The following ABCG2 variants were observed in gnomAD, a reference collection of about 807,000 sequenced individuals.
ABCG2 encodes the protein ATP binding cassette subfamily G member 2 (JR blood group).
In ABCG2, 80 loss-of-function variants were observed where a neutral mutation model predicts 73.5. That is an observed-to-expected ratio of 1.09 (90% CI 0.91 to 1.31). The LOEUF is 1.31. Ranked by LOEUF, ABCG2 falls within the 50% of genes most tolerant of loss-of-function variation. The pLI, the probability that ABCG2 is intolerant of heterozygous loss-of-function variation, is 0.00. For synonymous variants in ABCG2, 269 were observed against 282.4 expected (o/e 0.95, Z 0.48); for missense variants, 796 against 786.2 (o/e 1.01, Z -0.15).
chr4:88,204,798 A>G lies in ABCG2; in HGVS notation c.-20+26196T>C, dbSNP rs28687219. On this transcript the variant is annotated intron_variant, in intron 1 of 15. Transcript: ENST00000515655. ...CAGAAGGGAATTTGTCATTCTCTCC[A>G]TCAGAGAAGGATTAATTGTATTGTT... 3.4e-3 allele frequency among the ~76,000 whole-genome samples: 517 copies of G among 152,350 alleles called. 1 individual carries two copies. The highest frequency in any genetic ancestry group is 0.012 in the African/African-American group (497 of 41,588).
chr4:88,167,960 A>G (rs1262339599), intron 1 of ABCG2, among the ~76,000 whole-genome samples: 1 of 152,082 alleles, frequency 6.6e-6, no homozygotes, highest in East Asian at 1.9e-4. Context: ...GAAGTTACCA[A>G]GATAGCAATA....
At position 88,101,348 on chromosome 4, in the gene ABCG2, G is replaced by A. The variant is rs2231152; in HGVS notation, c.1278-29C>T. 5.1e-4 allele frequency: 798 copies of A among 1,578,600 alleles called. No homozygotes were observed. In the African/African-American group the frequency reaches 8.1e-3, roughly 16 times the overall value. ...CCATGAAAAGGGGAACCAAATCACC[G>A]CAGTCAACTCAGCATTCTTAGACAG... is the stretch of plus-strand genomic sequence containing the variant. On this transcript the variant is annotated intron_variant, in intron 10 of 15. Transcript: ENST00000237612.
intron 6 of ABCG2, among the ~76,000 whole-genome samples, chr4:88,121,230 G>A (rs900777685): frequency 1.3e-5 from 2 of 152,146 alleles, no homozygotes; most frequent in African/African-American, 4.8e-5. Context: ...GGCCCAACAG[G>A]AGGAAGCTAA....
In ABCG2 at chr4:88,200,238, G is replaced by A. The variant is rs559419322; in HGVS notation, c.-20+30756C>T. On this transcript the variant is annotated intron_variant, in intron 1 of 15. Coordinates refer to the ABCG2 transcript ENST00000515655. ...AGCTACTTGGGGGGCTGAGATGGGA[G>A]GATCACTTGAGCCTGGGAGGTCAAG... Among the ~76,000 whole-genome samples, 756 of 152,056 alleles carry A rather than the reference G, an allele frequency of 5.0e-3. 4 individuals are homozygous for A. Among genetic ancestry groups the A allele is most frequent in the Non-Finnish European group, 8.6e-3 (585 of 67,984 alleles).
intron 1 of ABCG2, among the ~76,000 whole-genome samples, chr4:88,222,805 C>T (rs1289935752): frequency 6.6e-6 from 1 of 152,154 alleles, no homozygotes; most frequent in Non-Finnish European, 1.5e-5. Context: ...AACAGCTTGC[C>T]CCATGCACCC....
At chr4:88,173,967 C>T (rs1727856936) in intron 1 of ABCG2, among the ~76,000 whole-genome samples, 1 of 152,194 alleles carries the variant, frequency 6.6e-6, no homozygotes, top group Non-Finnish European at 1.5e-5. Context: ...AAGGATCCCA[C>T]TCACACTCTC....
At position 88,113,474 on chromosome 4, in the gene ABCG2, G is replaced by C; in HGVS notation, c.1023C>G (p.Phe341Leu). ...GTAATTCAGCTTTTGTCTCTTTGTA[G>C]AAGGAGGAGTTGACATAAATCTCCG... ...KLAEIYVNSSFYKETKAELHQ... is the reference protein window; with the variant it reads ...KLAEIYVNSSLYKETKAELHQ... The change falls in exon 9 of 16, where the codon TTC (phenylalanine) becomes TTG (leucine). Residue 341 changes from phenylalanine (F) to leucine (L), a missense_variant. By Grantham distance (22) the Phe-to-Leu change is conservative. Coordinates refer to ENST00000237612, the MANE Select transcript of ABCG2 (RefSeq NM_004827.3). The C allele has an allele frequency of 6.2e-7, 1 of 1,614,114 alleles. No homozygotes were observed. The highest frequency in any genetic ancestry group is 8.5e-7 in the Non-Finnish European group (1 of 1,180,036).
chr4:88,097,422 C>T (rs1382657250), intron 13 of ABCG2, 31 bp downstream of exon 13: 1 of 1,604,556 alleles, frequency 6.2e-7, no homozygotes. Context: ...AAAAACAATT[C>T]CTTATCAGAG....
intron 2 of ABCG2, among the ~76,000 whole-genome samples, chr4:88,134,839 A>T (rs1351066545): frequency 1.3e-5 from 2 of 152,208 alleles, no homozygotes; most frequent in Non-Finnish European, 2.9e-5. Context: ...CACTCAACAC[A>T]ATGATCAAGT....
chr4:88,157,465 T>G (rs62310595), intron 1 of ABCG2, among the ~76,000 whole-genome samples: 11,142 of 152,268 alleles, frequency 0.073, 506 homozygotes, highest in Middle Eastern at 0.11. Context: ...AGCATGCCCA[T>G]GTTATTAGTT....
intron 1 of ABCG2, chr4:88,201,640 AC>A (rs1345374225): frequency 6.6e-6 from 1 of 152,116 alleles, no homozygotes; most frequent in African/African-American, 2.4e-5. Context: ...CTCCCTAGCT[AC>A]TCAAGGACCA....
chr4:88,106,961 G>A (rs1450293170), intron 10 of ABCG2, among the ~76,000 whole-genome samples: 1 of 152,200 alleles, frequency 6.6e-6, no homozygotes, highest in African/African-American at 2.4e-5. Context: ...AGAATTGCTT[G>A]AACCCGGGAG....
At chr4:88,164,451 A>C (rs549198199) in intron 1 of ABCG2, among the ~76,000 whole-genome samples, 1 of 152,116 alleles carries the variant, frequency 6.6e-6, no homozygotes, top group Non-Finnish European at 1.5e-5. Context: ...AATTATTCCT[A>C]TGCTGCTGTT....
chr4:88,160,939 G>A (rs1013241173), upstream of ABCG2, among the ~76,000 whole-genome samples: 1 of 151,472 alleles, frequency 6.6e-6, no homozygotes, highest in Non-Finnish European at 1.5e-5. Flanking sequence ...ACTTTGGGAG[G>A]CAGAGGCCAA....
chr4:88,092,287 TAAC>T lies in ABCG2; in HGVS notation c.1912_1914del (p.Val638del), dbSNP rs1721686004. ...TTCAGGTAGGCAATTGTGAGGAAAA[TAAC>T]AATCATACAAGCCAAGGCCACGTGA... On this transcript the variant is annotated inframe_deletion, in exon 16 of 16. Transcript: ENST00000237612. The T allele has an allele frequency of 1.2e-6, 2 of 1,612,990 alleles. No homozygotes were observed. Among genetic ancestry groups the T allele is most frequent in the Non-Finnish European group, 1.7e-6 (2 of 1,179,346 alleles).
chr4:88,178,248 T>C (rs1456419162), intron 1 of ABCG2, among the ~76,000 whole-genome samples: 1 of 152,100 alleles, frequency 6.6e-6, no homozygotes, highest in Non-Finnish European at 1.5e-5. Context: ...CACAGTAGAA[T>C]AGGGAACCAG....
intron 1 of ABCG2, among the ~76,000 whole-genome samples, chr4:88,193,003 G>A (rs969547969): frequency 3.3e-5 from 5 of 152,060 alleles, no homozygotes; most frequent in African/African-American, 9.7e-5. Flanking sequence ...GTGAGCCACC[G>A]TGCCCAGCCA....
At chr4:88,134,133 A>G (rs1050692472) in intron 2 of ABCG2, among the ~76,000 whole-genome samples, 3 of 152,342 alleles carry the variant, frequency 2.0e-5, no homozygotes, top group South Asian at 2.1e-4. Flanking sequence ...AGAGAAAGTA[A>G]TATCTATTCC....
At chr4:88,189,124 A>G (rs1277983694) in intron 1 of ABCG2, among the ~76,000 whole-genome samples, 1 of 152,220 alleles carries the variant, frequency 6.6e-6, no homozygotes, top group Non-Finnish European at 1.5e-5. Flanking sequence ...TGAAGTTTGC[A>G]GTACACAAAT....
Sources: gnomAD v4.1 joint callset for allele counts (sites outside exome capture counted in the v4.1 genomes callset) on GRCh38, gnomAD v4.1.1 for gene constraint, MANE v1.5 for transcripts, NCBI Gene and HGNC (gene_info 2026-07-23, HGNC 2026-07-21) for gene names.